EDIL3: variants seen among roughly 807,000 people sequenced by gnomAD.
The protein encoded by EDIL3 is EGF like and discoidin domains 3, also known as EGF-like repeat and discoidin I-like domain-containing protein 3.
Under a neutral mutation model 67.4 loss-of-function variants are expected in EDIL3, and 37 were observed. The observed-to-expected ratio is 0.55, with a 90% CI of 0.42 to 0.72. The LOEUF (loss-of-function observed/expected upper bound fraction) is 0.72. EDIL3 is among the 30% of genes least tolerant of loss of function. EDIL3 has a pLI of 0.00. For missense variants in EDIL3, 527 were observed against 586.3 expected (o/e 0.90, Z 1.04); for synonymous variants, 195 against 196.3 (o/e 0.99, Z 0.05).
intron 3 of EDIL3, among the ~76,000 whole-genome samples, chr5:84,206,826 G>T (rs1240569898): frequency 1.3e-5 from 2 of 152,048 alleles, no homozygotes; most frequent in Admixed American, 6.6e-5. Context: ...TGCAGAAAAG[G>T]CCTTTGACAA....
chr5:83,956,431 T>C (rs1184681751), intron 10 of EDIL3, among the ~76,000 whole-genome samples: 2 of 151,770 alleles, frequency 1.3e-5, no homozygotes, highest in East Asian at 3.9e-4. Flanking sequence ...GGGTCCCTAT[T>C]ATGTTCTCTG....
chr5:84,312,002 C>T lies in EDIL3; in HGVS notation c.68-57790G>A, dbSNP rs866876730. Among the ~76,000 whole-genome samples the T allele has an allele frequency of 5.6e-3, 850 of 152,320 alleles. 10 individuals carry two copies. The highest frequency in any genetic ancestry group is 5.6e-3 in the Non-Finnish European group (383 of 68,018). On this transcript the variant is annotated intron_variant, in intron 1 of 10. Coordinates refer to ENST00000296591, the MANE Select transcript of EDIL3 (RefSeq NM_005711.5). ...CAACCATCCGATTTCTCAATCCTTT[C>T]CCCGCCTTTCCCCACTTTCTATTCC... is the stretch of plus-strand genomic sequence containing the variant.
chr5:84,280,004 T>C (rs563958726), intron 1 of EDIL3, among the ~76,000 whole-genome samples: 1 of 152,218 alleles, frequency 6.6e-6, no homozygotes, highest in Admixed American at 6.5e-5. Flanking sequence ...ACATTTCCTT[T>C]GCTTTATGGT....
At chr5:84,084,863 T>G (rs1285683526) in intron 6 of EDIL3, among the ~76,000 whole-genome samples, 1 of 152,204 alleles carries the variant, frequency 6.6e-6, no homozygotes, top group Non-Finnish European at 1.5e-5. Context: ...TGGAAACCAC[T>G]GAAGTTTTGA....
chr5:83,977,898 C>T lies in EDIL3; in HGVS notation c.1138-14538G>A, dbSNP rs75286972. On this transcript the variant is annotated intron_variant, in intron 9 of 10. Transcript: ENST00000296591. ...TTTCTTTTAATGAATAACAGATTTC[C>T]TATTCACTTTTACAGCAAAATTAAA... Among the ~76,000 whole-genome samples the T allele has an allele frequency of 6.2e-3, 942 of 151,882 alleles. 7 individuals carry two copies. The highest frequency in any genetic ancestry group is 0.021 in the African/African-American group (880 of 41,530).
At chr5:84,040,484 A>T (rs1190828808) in intron 9 of EDIL3, among the ~76,000 whole-genome samples, 1 of 149,070 alleles carries the variant, frequency 6.7e-6, no homozygotes, top group Admixed American at 6.7e-5. Flanking sequence ...TAATTTAATT[A>T]TATATATAAA....
chr5:84,229,060 A>C (rs1238768088), intron 3 of EDIL3, among the ~76,000 whole-genome samples: 1 of 150,778 alleles, frequency 6.6e-6, no homozygotes, highest in Non-Finnish European at 1.5e-5. Context: ...ACTTGACTCT[A>C]TTTTTTTTTC....
chr5:84,289,021 G>A lies in EDIL3; in HGVS notation c.68-34809C>T, dbSNP rs1561246529. On this transcript the variant is annotated intron_variant, in intron 1 of 10. Coordinates refer to ENST00000296591, the MANE Select transcript of EDIL3 (RefSeq NM_005711.5). ...GCTAAGAAACGCAGCTCAAAGCTTGGGGATTGTAACTGTACCTGTCTTATC... is the reference window on the plus strand; with the variant it reads ...GCTAAGAAACGCAGCTCAAAGCTTGAGGATTGTAACTGTACCTGTCTTATC... 2.0e-5 allele frequency among the ~76,000 whole-genome samples: 3 copies of A among 152,038 alleles called. No individual in the cohort carries two copies. The East Asian group carries it at 5.8e-4, about 29-fold the overall frequency.
intron 9 of EDIL3, among the ~76,000 whole-genome samples, chr5:84,033,885 C>T (rs1308819834): frequency 1.3e-5 from 2 of 152,006 alleles, no homozygotes; most frequent in East Asian, 3.9e-4. Context: ...TGTGACGTTA[C>T]ACTTTAATAT....
intron 6 of EDIL3, among the ~76,000 whole-genome samples, chr5:84,081,312 T>C (rs1321197768): frequency 1.3e-5 from 2 of 152,182 alleles, no homozygotes; most frequent in South Asian, 2.1e-4. Flanking sequence ...TGGGGCTACA[T>C]GGTTTTGAAA....
Position 84,384,510 on chromosome 5 carries a change from CT to C in EDIL3, c.-137del. ...AAGAAGACGTTCTCTTTCCTCAGCG[CT>C]TTGTTAAACAAATTCTTGGAGAGGG... On this transcript the variant is annotated 5_prime_UTR_variant, in exon 1 of 11. Transcript: ENST00000296591. 1 of 787,548 alleles carries C rather than the reference CT, an allele frequency of 1.3e-6. No homozygotes were observed. The highest frequency in any genetic ancestry group is 2.0e-6 in the Non-Finnish European group (1 of 496,274). 48.8% of individuals were successfully genotyped at this position (787,548 alleles called of 1,614,324 possible).
chr5:83,971,208 T>G (rs568754189), intron 9 of EDIL3, among the ~76,000 whole-genome samples: 31 of 151,854 alleles, frequency 2.0e-4, no homozygotes, highest in African/African-American at 7.2e-4. Flanking sequence ...CCTCTCTTAT[T>G]TTCTCAGCAT....
chr5:84,095,833 A>C (rs1747252176), intron 6 of EDIL3, among the ~76,000 whole-genome samples: 1 of 152,226 alleles, frequency 6.6e-6, no homozygotes, highest in Non-Finnish European at 1.5e-5. Flanking sequence ...AATTGTCTCC[A>C]CAGCATGTTA....
intron 2 of EDIL3, among the ~76,000 whole-genome samples, chr5:84,235,411 G>A (rs1744660234): frequency 6.6e-6 from 1 of 152,138 alleles, no homozygotes; most frequent in South Asian, 2.1e-4. Flanking sequence ...CATGCATTGT[G>A]ATTCCTGTGC....
intron 1 of EDIL3, among the ~76,000 whole-genome samples, chr5:84,322,026 G>A (rs1050951001): frequency 1.1e-4 from 17 of 151,412 alleles, no homozygotes; most frequent in African/African-American, 4.1e-4. Flanking sequence ...AGTAATTCTC[G>A]TTATAAAGAC....
chr5:84,362,626 T>A (rs1188441027), intron 1 of EDIL3, among the ~76,000 whole-genome samples: 1 of 152,210 alleles, frequency 6.6e-6, no homozygotes, highest in Non-Finnish European at 1.5e-5. Flanking sequence ...TATTCAAGGC[T>A]TTGTGCATAG....
chr5:84,124,740 G>C (rs1051054033), intron 5 of EDIL3, among the ~76,000 whole-genome samples: 2 of 151,880 alleles, frequency 1.3e-5, no homozygotes, highest in Admixed American at 6.6e-5. Context: ...AGAAGGACAC[G>C]GTTAATAGCT....
At chr5:84,013,330 G>T (rs1580279222) in intron 9 of EDIL3, among the ~76,000 whole-genome samples, 1 of 152,048 alleles carries the variant, frequency 6.6e-6, no homozygotes, top group Non-Finnish European at 1.5e-5. Flanking sequence ...ATTTTATTAG[G>T]CTAACTTGGT....
intron 1 of EDIL3, among the ~76,000 whole-genome samples, chr5:84,297,364 A>G (rs756137305): frequency 7.9e-5 from 12 of 152,150 alleles, no homozygotes; most frequent in Non-Finnish European, 1.6e-4. Flanking sequence ...GACAATTATA[A>G]AAAATTTCAA....
Sources: allele counts gnomAD v4.1 joint callset (sites outside exome capture counted in the v4.1 genomes callset), GRCh38; gene constraint gnomAD v4.1.1; transcripts MANE v1.5; gene names NCBI Gene and HGNC (gene_info 2026-07-23, HGNC 2026-07-21).